PDZRN4: variants seen among roughly 807,000 people sequenced by gnomAD.
PDZRN4 encodes the protein PDZ domain containing ring finger 4, also known as PDZ domain-containing RING finger protein 4.
A neutral mutation model predicts 99.0 loss-of-function variants in PDZRN4; 70 were observed. The observed-to-expected ratio is 0.71, with a 90% CI of 0.58 to 0.86. The LOEUF is 0.86. Among genes scored for constraint, PDZRN4 ranks in the 40% least tolerant of loss-of-function variants. The pLI, the probability that PDZRN4 is intolerant of heterozygous loss-of-function variation, is 0.00. For synonymous variants in PDZRN4, 551 were observed against 501.6 expected (o/e 1.10, Z -1.32); for missense variants, 1,474 against 1,331.2 (o/e 1.11, Z -1.67).
intron 3 of PDZRN4, 104 bp from the exon 4 acceptor site, chr12:41,506,352 A>G (rs1020841231): frequency 2.3e-5 from 23 of 1,011,616 alleles, no homozygotes; most frequent in Middle Eastern, 2.6e-4. Flanking sequence ...TACAAAATTC[A>G]TATCAGGGCT....
At chr12:41,398,505 A>G (rs1952266688) in intron 3 of PDZRN4, among the ~76,000 whole-genome samples, 1 of 152,184 alleles carries the variant, frequency 6.6e-6, no homozygotes, top group Non-Finnish European at 1.5e-5. Flanking sequence ...ACACTCCCCA[A>G]CAGAATGAAC....
chr12:41,500,253 C>T (rs1938087001), intron 3 of PDZRN4, among the ~76,000 whole-genome samples: 1 of 151,894 alleles, frequency 6.6e-6, no homozygotes, highest in Admixed American at 6.6e-5. Flanking sequence ...AGAAAGCCAG[C>T]TGCCTGGCAA....
intron 5 of PDZRN4, among the ~76,000 whole-genome samples, chr12:41,525,581 A>G (rs920872902): frequency 1.3e-4 from 20 of 152,190 alleles, no homozygotes; most frequent in Non-Finnish European, 2.1e-4. Flanking sequence ...TGGAATATAG[A>G]TATGTAAGAT....
At chr12:41,201,393 CCT>C (rs1211580332) in intron 3 of PDZRN4, among the ~76,000 whole-genome samples, 1 of 151,388 alleles carries the variant, frequency 6.6e-6, no homozygotes, top group Non-Finnish European at 1.5e-5. Context: ...GATCTTTATA[CCT>C]CTCACTTTCA....
At chr12:41,254,977 G>A (rs1475552421) in intron 3 of PDZRN4, among the ~76,000 whole-genome samples, 2 of 152,154 alleles carry the variant, frequency 1.3e-5, no homozygotes, top group Non-Finnish European at 2.9e-5. Context: ...CTACCTGGGA[G>A]GCTGAAGTGG....
intron 3 of PDZRN4, among the ~76,000 whole-genome samples, chr12:41,206,582 C>T (rs1224685695): frequency 1.3e-5 from 2 of 150,900 alleles, no homozygotes; most frequent in East Asian, 3.9e-4. Flanking sequence ...CTTAGAAATC[C>T]TGCCTTTTGC....
At position 41,442,716 on chromosome 12, in the gene PDZRN4, T is replaced by C. The variant is rs530288476; in HGVS notation, c.844-63740T>C. Among the ~76,000 whole-genome samples the C allele has an allele frequency of 8.8e-4, 134 of 152,256 alleles. 1 individual carries two copies. The South Asian group carries it at 0.015, about 17-fold the overall frequency. ...GTTTTTTCAGTCTCAGAAATTTATATTGTGAAGTAGGACACTAGTAATGGG... is the reference window on the plus strand; with the variant it reads ...GTTTTTTCAGTCTCAGAAATTTATACTGTGAAGTAGGACACTAGTAATGGG... On this transcript the variant is annotated intron_variant, in intron 3 of 9. Transcript: ENST00000402685.
intron 3 of PDZRN4, among the ~76,000 whole-genome samples, chr12:41,271,151 A>C (rs1951312023): frequency 6.6e-6 from 1 of 152,052 alleles, no homozygotes. Flanking sequence ...CAATATAGCT[A>C]TTATTTTTTC....
intron 3 of PDZRN4, among the ~76,000 whole-genome samples, chr12:41,214,252 TAAAAA>T (rs60618442): frequency 0.012 from 990 of 84,760 alleles, 20 homozygotes; most frequent in African/African-American, 0.043. Flanking sequence ...ACCCTGTATT[TAAAAA>T]AAAAAAAAAA....
chr12:41,393,327 T>G (rs951582352), intron 3 of PDZRN4, among the ~76,000 whole-genome samples: 1 of 152,180 alleles, frequency 6.6e-6, no homozygotes, highest in African/African-American at 2.4e-5. Context: ...TAGATTTATT[T>G]AAAAGGTTTG....
intron 3 of PDZRN4, among the ~76,000 whole-genome samples, chr12:41,336,963 C>T (rs748531233): frequency 3.3e-5 from 5 of 152,132 alleles, no homozygotes; most frequent in Non-Finnish European, 7.4e-5. Flanking sequence ...TGGGGCAGTT[C>T]AGACTCTTGG....
intron 3 of PDZRN4, among the ~76,000 whole-genome samples, chr12:41,286,366 G>A (rs879537313): frequency 4.6e-5 from 4 of 87,884 alleles, no homozygotes; most frequent in African/African-American, 1.7e-4. Context: ...TTTTGTTGTT[G>A]TTGTTTTTGT....
At chr12:41,380,085 T>G (rs1022784478) in intron 3 of PDZRN4, among the ~76,000 whole-genome samples, 1 of 152,092 alleles carries the variant, frequency 6.6e-6, no homozygotes, top group Non-Finnish European at 1.5e-5. Context: ...CTCTTTAATA[T>G]TATATATTTA....
At chr12:41,469,447 G>A (rs1287115263) in intron 3 of PDZRN4, among the ~76,000 whole-genome samples, 5 of 152,158 alleles carry the variant, frequency 3.3e-5, no homozygotes, top group African/African-American at 9.7e-5. Flanking sequence ...AATGAACACC[G>A]AGTTAAGTTA....
chr12:41,340,072 T>C (rs1951805406), intron 3 of PDZRN4, among the ~76,000 whole-genome samples: 1 of 152,110 alleles, frequency 6.6e-6, no homozygotes, highest in Admixed American at 6.6e-5. Context: ...ATTTCACTGC[T>C]GAGTATATAC....
intron 3 of PDZRN4, among the ~76,000 whole-genome samples, chr12:41,275,217 C>A (rs1390082766): frequency 6.6e-6 from 1 of 152,060 alleles, no homozygotes; most frequent in East Asian, 1.9e-4. Context: ...TAATTAAAGT[C>A]TCTGATAAAA....
rs1030429465 is a variant in PDZRN4, at chr12:41,294,812, C to A, written c.843+100624C>A. ...TAAGAGATCTAAGAGATCTTTTCAA[C>A]AGAAAAACATAGAAGAACAACTCAG... On this transcript the variant is annotated intron_variant, in intron 3 of 9. Transcript: ENST00000402685. Among the ~76,000 whole-genome samples, 4 of 151,916 alleles carry A rather than the reference C, an allele frequency of 2.6e-5. No homozygotes were observed. In the East Asian group the frequency reaches 7.7e-4, roughly 29 times the overall value.
chr12:41,254,722 T>G (rs1951192725), intron 3 of PDZRN4, among the ~76,000 whole-genome samples: 2 of 152,234 alleles, frequency 1.3e-5, no homozygotes, highest in Admixed American at 1.3e-4. Flanking sequence ...TGAGTCACAG[T>G]GCTGTAAGAC....
intron 5 of PDZRN4, among the ~76,000 whole-genome samples, chr12:41,543,849 C>T (rs1268627272): frequency 6.6e-6 from 1 of 152,084 alleles, no homozygotes; most frequent in African/African-American, 2.4e-5. Context: ...GATCACTATA[C>T]CCAGTGAACT....
Sources: gnomAD v4.1 joint callset for allele counts (sites outside exome capture counted in the v4.1 genomes callset) on GRCh38, gnomAD v4.1.1 for gene constraint, MANE v1.5 for transcripts, NCBI Gene and HGNC (gene_info 2026-07-23, HGNC 2026-07-21) for gene names.